BRF1: variants seen among roughly 807,000 people sequenced by gnomAD.
BRF1 encodes the protein transcription factor IIIB 90 kDa subunit.
In BRF1, 59 loss-of-function variants were observed where a neutral mutation model predicts 81.7. That is an observed-to-expected ratio of 0.72 (90% confidence interval 0.59 to 0.90). The LOEUF (loss-of-function observed/expected upper bound fraction) is 0.90, where lower values mean the gene tolerates loss of function less well. BRF1 is among the 40% of genes least tolerant of loss of function. The pLI is 0.00. For synonymous variants in BRF1, 491 were observed against 395.6 expected (o/e 1.24, Z -2.86); for missense variants, 1,050 against 936.3 (o/e 1.12, Z -1.58).
At chr14:105,302,566 G>A (rs973153509), upstream of BRF1, among the ~76,000 whole-genome samples, 28 of 151,716 alleles carry the variant, frequency 1.8e-4, no homozygotes, top group East Asian at 1.4e-3. Context: ...TTGGTTCAAT[G>A]TGTTCCCTTT....
At chr14:105,277,534 G>A (rs1595448473) in intron 2 of BRF1, among the ~76,000 whole-genome samples, 2 of 136,818 alleles carry the variant, frequency 1.5e-5, no homozygotes, top group East Asian at 2.0e-4. Context: ...CTAGAGAGCT[G>A]GGGAGGAGGC....
At chr14:105,314,939 C>G in intron 1 of BRF1, 1 of 1,146,264 alleles carries the variant, frequency 8.7e-7, no homozygotes, top group Non-Finnish European at 1.1e-6. Flanking sequence ...GAGGCCGCCT[C>G]GGCCTCCCCG....
intron 5 of BRF1, chr14:105,248,324 C>G (rs2055267832): frequency 1.0e-6 from 1 of 985,388 alleles, no homozygotes; most frequent in Non-Finnish European, 1.2e-6. Flanking sequence ...CAAAAGATCG[C>G]TAACTGAAGA....
At chr14:105,243,467 AT>A (rs1203783648) in intron 5 of BRF1, among the ~76,000 whole-genome samples, 2,140 of 89,662 alleles carry the variant, frequency 0.024, 62 homozygotes, top group African/African-American at 0.072. Context: ...AAAAAAAAAA[AT>A]AAAAATAAAA....
chr14:105,296,763 T>C (rs1002070222), intron 1 of BRF1, among the ~76,000 whole-genome samples: 3 of 148,154 alleles, frequency 2.0e-5, no homozygotes, highest in Non-Finnish European at 1.5e-5. Flanking sequence ...CACACAGAAA[T>C]CAACCATATT....
At position 105,210,261 on chromosome 14, in the gene BRF1, C is replaced by T. The variant is rs1889914438; in HGVS notation, c.*290G>A. 4.3e-6 allele frequency: 2 copies of T among 466,694 alleles called. No individual in the cohort carries two copies. Among genetic ancestry groups the T allele is most frequent in the Non-Finnish European group, 7.9e-6 (2 of 254,094 alleles). The allele number at this position is 466,694 out of a possible 1,614,324, so 28.9% of individuals were successfully genotyped here. A position where few individuals can be genotyped will look rare whatever the true frequency, so the allele number is the denominator to read the frequency against. ...AATAGTAGCAACACCACACTGCCAG[C>T]CTTGGAGGGTCCTTGGATGAGTCGA... On this transcript the variant is annotated 3_prime_UTR_variant, in exon 18 of 18. Coordinates refer to ENST00000547530, the MANE Select transcript of BRF1 (RefSeq NM_001519.4). This position sits in a 1 kb window ranked among gnomAD's most constrained non-coding sequence, Gnocchi z 4.7.
At chr14:105,254,994 C>A (rs981175936) in intron 4 of BRF1, among the ~76,000 whole-genome samples, 5 of 152,208 alleles carry the variant, frequency 3.3e-5, no homozygotes, top group Non-Finnish European at 7.3e-5. Flanking sequence ...CTGCCCCCCC[C>A]ATCTCTCTTC....
At chr14:105,249,183 T>C (rs1386377307) in intron 5 of BRF1, 1 of 1,587,848 alleles carries the variant, frequency 6.3e-7, no homozygotes, top group Non-Finnish European at 8.5e-7. Context: ...AACAACGAGC[T>C]CATGGCCGAC....
chr14:105,248,642 C>A, intron 5 of BRF1: 1 of 979,962 alleles, frequency 1.0e-6, no homozygotes, highest in East Asian at 1.1e-4. Flanking sequence ...TGGGCTCGGG[C>A]AGGGTCGCAG....
intron 15 of BRF1, 158 bp from the exon 16 acceptor site, chr14:105,212,322 G>C: frequency 1.1e-6 from 1 of 880,506 alleles, no homozygotes; most frequent in Non-Finnish European, 1.7e-6. Context: ...TGCTCCATCA[G>C]TGCTCACTGC....
At chr14:105,253,284 C>T (rs1459082254) in intron 4 of BRF1, among the ~76,000 whole-genome samples, 1 of 152,220 alleles carries the variant, frequency 6.6e-6, no homozygotes, top group African/African-American at 2.4e-5. Flanking sequence ...GAGGACACTT[C>T]AGAGCAATGT....
intron 14 of BRF1, among the ~76,000 whole-genome samples, 180 bp downstream of exon 14, chr14:105,218,818 G>A (rs1214950033): frequency 6.6e-6 from 1 of 152,228 alleles, no homozygotes; most frequent in Non-Finnish European, 1.5e-5. Flanking sequence ...CCTGTGGCCA[G>A]CACGGGGCAG....
intron 4 of BRF1, among the ~76,000 whole-genome samples, chr14:105,255,663 GC>G (rs1201574779): frequency 6.6e-6 from 1 of 152,228 alleles, no homozygotes; most frequent in African/African-American, 2.4e-5. Flanking sequence ...GAGCCTCGGT[GC>G]CCCCACCCTG....
At chr14:105,248,621 C>A in intron 5 of BRF1, 1 of 977,764 alleles carries the variant, frequency 1.0e-6, no homozygotes, top group Non-Finnish European at 1.2e-6. Flanking sequence ...CCTGGCCGGG[C>A]TGCGCTAGGC....
Position 105,211,144 on chromosome 14 carries a change from G to T in BRF1, c.1974C>A (p.Ala658=). ...DEEDGEPCVS[A]LQMMGSNDYG... ...CACCGTTGCTGCCCATCATCTGCAG[G>T]GCACTGACGCAGGGCTCCCCGTCCT... is the stretch of plus-strand genomic sequence containing the variant. The change falls in exon 17 of 18, where the codon GCC becomes GCA. Residue 658 remains alanine, a synonymous_variant. Transcript: ENST00000547530. The T allele has an allele frequency of 6.2e-7, 1 of 1,612,504 alleles. No homozygotes were observed. Among genetic ancestry groups the T allele is most frequent in the Non-Finnish European group, 8.5e-7 (1 of 1,179,908 alleles).
chr14:105,253,523 C>T (rs1000449007), intron 4 of BRF1, among the ~76,000 whole-genome samples: 1 of 152,248 alleles, frequency 6.6e-6, no homozygotes, highest in East Asian at 1.9e-4. Context: ...TGTCCTGGCC[C>T]GCCAGTGGCA....
intron 5 of BRF1, chr14:105,246,749 G>A (rs1014631403): frequency 2.6e-4 from 246 of 945,602 alleles, no homozygotes; most frequent in Middle Eastern, 5.4e-4. Context: ...GAGCCACCGC[G>A]CCCAACCTAC....
rs2057974855 is a variant in BRF1 at position 105,300,687 on chromosome 14, CTCCGGAGCA to C, written c.-67_-59del. ...CCCAAGACTCTCAAGCCACCCGAGC[CTCCGGAGCA>C]GCCCGCGCCGCCCGCCCAGGCCCAG... On this transcript the variant is annotated 5_prime_UTR_variant, in exon 1 of 18. Transcript: ENST00000547530. 1 of 1,237,930 alleles carries C rather than the reference CTCCGGAGCA, an allele frequency of 8.1e-7. No homozygotes were observed. The highest frequency in any genetic ancestry group is 3.2e-5 in the South Asian group (1 of 31,678). The allele number at this position is 1,237,930 out of a possible 1,614,324, so 76.7% of individuals were successfully genotyped here.
intron 1 of BRF1, among the ~76,000 whole-genome samples, chr14:105,312,113 C>A (rs967217345): frequency 6.6e-6 from 1 of 152,236 alleles, no homozygotes; most frequent in African/African-American, 2.4e-5. Context: ...TCATCTTAGC[C>A]CAGGCTGAGG....
Sources: allele counts gnomAD v4.1 joint callset (sites outside exome capture counted in the v4.1 genomes callset), GRCh38; gene constraint gnomAD v4.1.1; non-coding constraint Gnocchi (gnomAD v3.1); transcripts MANE v1.5; gene names NCBI Gene and HGNC (gene_info 2026-07-23, HGNC 2026-07-21).